Variants in LRRC8B observed in about 807,000 individuals in gnomAD.
LRRC8B encodes volume-regulated anion channel subunit LRRC8B.
LRRC8B carries 23 observed loss-of-function variants against 58.8 expected under a neutral mutation model. The observed-to-expected ratio is 0.39, with a 90% CI of 0.28 to 0.55. The LOEUF (loss-of-function observed/expected upper bound fraction) is 0.55. LRRC8B is among the 20% of genes least tolerant of loss of function. The pLI, the probability that LRRC8B is intolerant of heterozygous loss-of-function variation, is 0.62. For missense variants in LRRC8B, 694 were observed against 936.0 expected, an observed-to-expected ratio of 0.74 and a Z score of 3.37; for synonymous variants, 359 against 374.1, an observed-to-expected ratio of 0.96 and a Z score of 0.47.
chr1:89,563,471 C>T (rs1303557095), intron 1 of LRRC8B, among the ~76,000 whole-genome samples: 7 of 152,164 alleles, frequency 4.6e-5, no homozygotes, highest in African/African-American at 1.7e-4. Flanking sequence ...ACTTTGCCTT[C>T]CTTATGGGCC....
chr1:89,592,678 G>GTTT, intron 5 of LRRC8B, 93 bp from the exon 6 acceptor site: 2 of 999,824 alleles, frequency 2.0e-6, no homozygotes, highest in East Asian at 2.5e-5. Flanking sequence ...CTCCAGAAAT[G>GTTT]TTTTGTTTTT....
intron 3 of LRRC8B, among the ~76,000 whole-genome samples, chr1:89,569,606 T>G (rs926328395): frequency 6.6e-6 from 1 of 152,228 alleles, no homozygotes; most frequent in African/African-American, 2.4e-5. Flanking sequence ...GCTAAGGGCC[T>G]CCAGCTTCAT....
chr1:89,581,001 A>T (rs1042539969), intron 4 of LRRC8B, among the ~76,000 whole-genome samples: 1 of 152,096 alleles, frequency 6.6e-6, no homozygotes. Flanking sequence ...AGAGTAAAAA[A>T]GTCTTCCTGG....
At chr1:89,529,316 C>T (rs1027804970) in intron 1 of LRRC8B, among the ~76,000 whole-genome samples, 8 of 152,126 alleles carry the variant, frequency 5.3e-5, no homozygotes, top group Admixed American at 4.6e-4. Flanking sequence ...CTTGGTGTTA[C>T]GAGACTGCTG....
At chr1:89,556,395 A>C (rs1652193537) in intron 1 of LRRC8B, among the ~76,000 whole-genome samples, 1 of 152,106 alleles carries the variant, frequency 6.6e-6, no homozygotes, top group African/African-American at 2.4e-5. Flanking sequence ...GAGTTCTATG[A>C]GTTACTCTAG....
At chr1:89,559,562 C>T (rs1323276820) in intron 1 of LRRC8B, among the ~76,000 whole-genome samples, 1 of 148,782 alleles carries the variant, frequency 6.7e-6, no homozygotes, top group African/African-American at 2.5e-5. Flanking sequence ...GCCATGACCG[C>T]AACACTGCAC....
chr1:89,559,743 C>T (rs1186679417), intron 1 of LRRC8B, among the ~76,000 whole-genome samples: 1 of 152,036 alleles, frequency 6.6e-6, no homozygotes, highest in Non-Finnish European at 1.5e-5. Flanking sequence ...GTGAAGCATC[C>T]TACTTATTTG....
chr1:89,537,453 G>C (rs575368060), intron 1 of LRRC8B, among the ~76,000 whole-genome samples: 6 of 152,134 alleles, frequency 3.9e-5, no homozygotes, highest in African/African-American at 1.4e-4. Flanking sequence ...GAATGGGATT[G>C]GTGTGTTTTT....
At chr1:89,547,075 G>A (rs1441581843) in intron 1 of LRRC8B, among the ~76,000 whole-genome samples, 2 of 152,098 alleles carry the variant, frequency 1.3e-5, no homozygotes, top group Non-Finnish European at 2.9e-5. Context: ...TGTTATCTAT[G>A]CTCTTAAGGT....
intron 3 of LRRC8B, among the ~76,000 whole-genome samples, chr1:89,571,766 G>A (rs1653489685): frequency 1.3e-5 from 2 of 151,664 alleles, no homozygotes; most frequent in Admixed American, 1.3e-4. Flanking sequence ...TTGTGTGCTG[G>A]TTTTCTTTCT....
At chr1:89,576,455 G>A (rs1170951190) in intron 3 of LRRC8B, among the ~76,000 whole-genome samples, 7 of 152,298 alleles carry the variant, frequency 4.6e-5, no homozygotes, top group Middle Eastern at 3.4e-3. Context: ...CTGGGTTTAC[G>A]TTTCTTTTAA....
At chr1:89,537,705 T>G (rs1196560287) in intron 1 of LRRC8B, among the ~76,000 whole-genome samples, 3 of 152,202 alleles carry the variant, frequency 2.0e-5, no homozygotes, top group African/African-American at 7.2e-5. Flanking sequence ...ACTCCTGACC[T>G]TAAGTGATCC....
rs747849974 is a variant in LRRC8B, at chr1:89,584,678, C to T, written c.2028C>T (p.Phe676=). 1 of 1,613,968 alleles carries T rather than the reference C, an allele frequency of 6.2e-7. No individual in the cohort carries two copies. The highest frequency in any genetic ancestry group is 1.1e-5 in the South Asian group (1 of 91,080). Residue 676 remains phenylalanine, a synonymous_variant, in exon 5 of 6, where the codon TTC becomes TTT. Transcript: ENST00000330947. ...TTGAGAATCTGCCCTTGCAGCTTTTCCTATGCACTAAACTACATTATTTGG... is the reference window on the plus strand; with the variant it reads ...TTGAGAATCTGCCCTTGCAGCTTTTTCTATGCACTAAACTACATTATTTGG... ...NNIENLPLQL[F]LCTKLHYLDL...
chr1:89,562,201 C>G (rs983957995), intron 1 of LRRC8B, among the ~76,000 whole-genome samples: 2 of 138,498 alleles, frequency 1.4e-5, no homozygotes, highest in African/African-American at 5.3e-5. Flanking sequence ...TTACCACCAC[C>G]CATCCTCCCA....
intron 1 of LRRC8B, among the ~76,000 whole-genome samples, chr1:89,537,291 A>C (rs200389747): frequency 6.6e-6 from 1 of 152,098 alleles, no homozygotes; most frequent in Non-Finnish European, 1.5e-5. Context: ...AAGTAGCTAG[A>C]GTGTTTCTCC....
chr1:89,557,016 T>A (rs944715266), intron 1 of LRRC8B, among the ~76,000 whole-genome samples: 1 of 152,228 alleles, frequency 6.6e-6, no homozygotes, highest in Non-Finnish European at 1.5e-5. Context: ...AGCCAGAGAT[T>A]GTGCGCATTC....
In LRRC8B at chr1:89,560,240, G is replaced by A. The variant is rs2100956430; in HGVS notation, c.-240-8007G>A. ...AGTGTTGATCCTTCCCTATATCTCA[G>A]TAATGGTTACTTTCCTTGATTTGAA... On this transcript the variant is annotated intron_variant, in intron 1 of 5. Coordinates refer to ENST00000330947, the MANE Select transcript of LRRC8B (RefSeq NM_001369817.2). 2.0e-5 allele frequency among the ~76,000 whole-genome samples: 3 copies of A among 152,212 alleles called. 1 individual carries two copies. In the Middle Eastern group the frequency reaches 0.01, roughly 518 times the overall value.
intron 5 of LRRC8B, among the ~76,000 whole-genome samples, chr1:89,591,625 A>G (rs1170825632): frequency 6.6e-6 from 1 of 152,216 alleles, no homozygotes; most frequent in African/African-American, 2.4e-5. Flanking sequence ...TTACAACATC[A>G]TTAACATTTT....
At chr1:89,565,107 A>C (rs568708783) in intron 1 of LRRC8B, among the ~76,000 whole-genome samples, 13 of 152,302 alleles carry the variant, frequency 8.5e-5, no homozygotes, top group African/African-American at 3.1e-4. Flanking sequence ...TTTATGAAGC[A>C]CCTAATATGT....
Sources: allele counts gnomAD v4.1 joint callset (sites outside exome capture counted in the v4.1 genomes callset), GRCh38; gene constraint gnomAD v4.1.1; transcripts MANE v1.5; gene names NCBI Gene and HGNC (gene_info 2026-07-23, HGNC 2026-07-21).